ABCA5: variants seen among roughly 807,000 people sequenced by gnomAD.
The protein encoded by ABCA5 is ATP binding cassette subfamily A member 5, also known as cholesterol transporter ABCA5.
In ABCA5, 163 loss-of-function variants were observed where a neutral mutation model predicts 206.0. That is an observed-to-expected ratio of 0.79 (90% CI 0.70 to 0.90). The LOEUF (loss-of-function observed/expected upper bound fraction) is 0.90, where lower values mean the gene tolerates loss of function less well. Among genes scored for constraint, ABCA5 ranks in the 40% least tolerant of loss-of-function variants. The pLI, the probability that ABCA5 is intolerant of heterozygous loss-of-function variation, is 0.00. For synonymous variants in ABCA5, 609 were observed against 613.8 expected (o/e 0.99, Z 0.11); for missense variants, 1,859 against 1,912.9 (o/e 0.97, Z 0.53).
At chr17:69,281,683 G>A in intron 18 of ABCA5, among the ~76,000 whole-genome samples, 1 of 152,154 alleles carries the variant, frequency 6.6e-6, no homozygotes, top group Non-Finnish European at 1.5e-5. Context: ...CAACTTTACA[G>A]TTAGCAATGC....
Position 69,255,744 on chromosome 17 carries a change from C to T in ABCA5, c.3965G>A (p.Cys1322Tyr). 2 of 1,587,282 alleles carry T rather than the reference C, an allele frequency of 1.3e-6. No individual in the cohort carries two copies. Among genetic ancestry groups the T allele is most frequent in the Non-Finnish European group, 1.7e-6 (2 of 1,172,646 alleles). Residue 1322 changes from cysteine (C) to tyrosine (Y), a missense_variant, in exon 30 of 39, where the codon TGT (cysteine) becomes TAT (tyrosine). Coordinates refer to ENST00000392676, the MANE Select transcript of ABCA5 (RefSeq NM_172232.4). ...KKVATKYISF[C>Y]VKKGEILGLL... ...AATTAAATACCAGCCTTTTTTCACACAGAAAGAGATGTATTTAGTTGCCAC... is the reference window on the plus strand; with the variant it reads ...AATTAAATACCAGCCTTTTTTCACATAGAAAGAGATGTATTTAGTTGCCAC...
intron 3 of ABCA5, among the ~76,000 whole-genome samples, chr17:69,312,886 G>A (rs2075783297): frequency 6.6e-6 from 1 of 151,854 alleles, no homozygotes; most frequent in South Asian, 2.1e-4. Context: ...CATAAAATAT[G>A]CTTCCTACCA....
intron 13 of ABCA5, among the ~76,000 whole-genome samples, chr17:69,289,524 A>G (rs987963662): frequency 1.3e-5 from 2 of 152,122 alleles, no homozygotes; most frequent in African/African-American, 4.8e-5. Flanking sequence ...TTCTTGAGGG[A>G]AAGGTTTTAA....
intron 10 of ABCA5, among the ~76,000 whole-genome samples, chr17:69,295,463 A>G (rs1036511312): frequency 6.6e-6 from 1 of 152,204 alleles, no homozygotes; most frequent in Admixed American, 6.5e-5. Context: ...TCACAAGGAG[A>G]TAATTGAGTC....
intron 1 of ABCA5, 32 bp from the exon 2 acceptor site, chr17:69,314,462 C>A: frequency 7.4e-7 from 1 of 1,348,220 alleles, no homozygotes. Flanking sequence ...CAAACAAACC[C>A]GGAGCCACGC....
intron 1 of ABCA5, 130 bp from the exon 2 acceptor site, chr17:69,314,560 C>T (rs1598207764): frequency 1.7e-6 from 1 of 585,830 alleles, no homozygotes. Context: ...AGCTGTCTCT[C>T]TTAGGAAACT....
intron 1 of ABCA5, 67 bp from the exon 2 acceptor site, chr17:69,314,497 G>C: frequency 1.1e-6 from 1 of 925,278 alleles, no homozygotes; most frequent in Non-Finnish European, 1.7e-6. Flanking sequence ...AATTTTTAAC[G>C]GCAAAATAAG....
intron 1 of ABCA5, chr17:69,318,620 A>C (rs141438037): frequency 3.7e-4 from 122 of 326,388 alleles, no homozygotes; most frequent in African/African-American, 2.5e-3. Context: ...AAAAATACTA[A>C]ATGAGTAAAT....
At chr17:69,292,299 G>A (rs184254844) in intron 11 of ABCA5, among the ~76,000 whole-genome samples, 92 of 152,106 alleles carry the variant, frequency 6.0e-4, no homozygotes, top group African/African-American at 2.2e-3. Context: ...ATTTCTCTCA[G>A]CAATGTTTTG....
Position 69,323,869 on chromosome 17 carries a change from C to T in ABCA5, c.-16+3183G>A, listed in dbSNP as rs189131989. Among the ~76,000 whole-genome samples the T allele has an allele frequency of 1.1e-4, 17 of 152,282 alleles. No homozygotes were observed. In the East Asian group the frequency reaches 3.3e-3, roughly 29 times the overall value. On this transcript the variant is annotated intron_variant, in intron 1 of 38. Transcript: ENST00000392676. ...CAGCCCATGAGGAACACTGCTTCTG[C>T]ATTTTTAAAAGGTTGAAAAATAATA...
chr17:69,313,435 C>A, intron 2 of ABCA5, 139 bp from the exon 3 acceptor site: 1 of 439,704 alleles, frequency 2.3e-6, no homozygotes, highest in Non-Finnish European at 4.0e-6. Context: ...AAAAGCAATT[C>A]TATCCCAAAA....
rs754371724 is a variant in ABCA5, at chr17:69,284,051, C to A, written c.2294G>T (p.Ser765Ile). Reference sequence around the variant, plus strand: ...AGAAATGACACCCAAATTTGAATGACTGTCTAGGGCAGAAAACAAACCTAA... The same window carrying A: ...AGAAATGACACCCAAATTTGAATGAATGTCTAGGGCAGAAAACAAACCTAA... ...KFSGLFSALDSHSNLGVISYG... is the reference protein window; with the variant it reads ...KFSGLFSALDIHSNLGVISYG... Residue 765 changes from serine to isoleucine, a missense_variant, in exon 18 of 39, where the codon AGT becomes ATT. Coordinates refer to ENST00000392676, the MANE Select transcript of ABCA5 (RefSeq NM_172232.4). The A allele has an allele frequency of 1.3e-6, 2 of 1,586,960 alleles. No individual in the cohort carries two copies. The highest frequency in any genetic ancestry group is 1.4e-5 in the African/African-American group (1 of 73,396).
At chr17:69,322,315 A>G (rs2075871061) in intron 1 of ABCA5, among the ~76,000 whole-genome samples, 1 of 136,336 alleles carries the variant, frequency 7.3e-6, no homozygotes, top group South Asian at 2.6e-4. Flanking sequence ...AGTTGCAGTC[A>G]GCTGACACTG....
Position 69,289,166 on chromosome 17 carries a change from T to C in ABCA5, c.1902+11A>G. 1 of 1,593,030 alleles carries C rather than the reference T, an allele frequency of 6.3e-7. No homozygotes were observed. The highest frequency in any genetic ancestry group is 1.2e-5 in the South Asian group (1 of 86,182). On this transcript the variant is annotated intron_variant, in intron 14 of 38. Coordinates refer to ENST00000392676, the MANE Select transcript of ABCA5 (RefSeq NM_172232.4). ...AAAATGAGCTCATCTGTAAAAGTAA[T>C]ATTTATTTACCTTTGGGTTCCCAAG...
chr17:69,312,666 C>T (rs977387700), intron 3 of ABCA5, among the ~76,000 whole-genome samples: 1 of 152,036 alleles, frequency 6.6e-6, no homozygotes, highest in Non-Finnish European at 1.5e-5. Context: ...TTCACTGCAG[C>T]CCCAAACTTT....
chr17:69,251,550 G>T, intron 35 of ABCA5, 197 bp downstream of exon 35: 1 of 621,260 alleles, frequency 1.6e-6, no homozygotes, highest in South Asian at 3.6e-5. Flanking sequence ...GAAATATTAA[G>T]TGAATTCAAA....
At chr17:69,273,600 C>T (rs148671574) in intron 20 of ABCA5, among the ~76,000 whole-genome samples, 6,984 of 151,906 alleles carry the variant, frequency 0.046, 195 homozygotes, top group Non-Finnish European at 0.066. Context: ...AGACTACAGG[C>T]GCGTGCCACC....
chr17:69,271,350 T>G, intron 20 of ABCA5, 61 bp from the exon 21 acceptor site: 1 of 1,466,376 alleles, frequency 6.8e-7, no homozygotes, highest in South Asian at 1.3e-5. Flanking sequence ...TTAGTAACAC[T>G]GGGAAGATAA....
At chr17:69,323,887 AAATAAT>A (rs1429806028) in intron 1 of ABCA5, among the ~76,000 whole-genome samples, 8 of 152,206 alleles carry the variant, frequency 5.3e-5, no homozygotes, top group African/African-American at 9.7e-5. Flanking sequence ...AAAGGTTGAA[AAATAAT>A]AATAATATCT....
Sources: gnomAD v4.1 joint callset for allele counts (sites outside exome capture counted in the v4.1 genomes callset) on GRCh38, gnomAD v4.1.1 for gene constraint, MANE v1.5 for transcripts, NCBI Gene and HGNC (gene_info 2026-07-23, HGNC 2026-07-21) for gene names.